JADE2: variants seen among roughly 807,000 people sequenced by gnomAD.
JADE2 encodes jade family PHD finger 2.
Under a neutral mutation model 85.7 loss-of-function variants are expected in JADE2, and 13 were observed. The observed-to-expected ratio is 0.15, with a 90% confidence interval of 0.10 to 0.24. JADE2 has a LOEUF of 0.24. Ranked by LOEUF, JADE2 falls within the 10% of genes least tolerant of loss-of-function variation. JADE2 has a pLI of 1.00. For missense variants in JADE2, 846 were observed against 1,115.9 expected (o/e 0.76, Z 3.45); for synonymous variants, 440 against 456.1 (o/e 0.96, Z 0.45).
chr5:134,554,475 C>T (rs1036568455), intron 4 of JADE2, among the ~76,000 whole-genome samples: 1 of 152,124 alleles, frequency 6.6e-6, no homozygotes, highest in African/African-American at 2.4e-5. Context: ...CATTTGGTTC[C>T]GGAAACATCT....
Position 134,573,748 on chromosome 5 carries a change from A to T in JADE2, c.1538A>T (p.Gln513Leu), listed in dbSNP as rs1454339221. 1 of 1,609,750 alleles carries T rather than the reference A, an allele frequency of 6.2e-7. No individual in the cohort carries two copies. The highest frequency in any genetic ancestry group is 8.5e-7 in the Non-Finnish European group (1 of 1,176,080). The change falls in exon 10 of 12, where the codon CAG (glutamine) becomes CTG (leucine). Residue 513 changes from glutamine to leucine, a missense_variant. Gln to Leu is a moderately radical substitution (Grantham distance 113, BLOSUM62 -2). This residue lies in a region of JADE2 where 119 missense variants were observed against 163.9 expected (regional missense o/e 0.73). Coordinates refer to ENST00000681547, the MANE Select transcript of JADE2 (RefSeq NM_001388185.1). ...IFHLQMKLIE[Q>L]DLCRERSGRR... ...CACCTGCAGATGAAACTTATTGAAC[A>T]GGATCTGTGTCGAGGTAGGCGCCTT... is the stretch of plus-strand genomic sequence containing the variant.
chr5:134,551,475 C>G (rs921164776), intron 3 of JADE2, among the ~76,000 whole-genome samples: 4 of 151,974 alleles, frequency 2.6e-5, no homozygotes, highest in African/African-American at 9.7e-5. Flanking sequence ...GCAGTCCTCC[C>G]TCCTCAGCCT....
chr5:134,554,186 C>T (rs1013839097), intron 4 of JADE2, among the ~76,000 whole-genome samples: 1 of 152,170 alleles, frequency 6.6e-6, no homozygotes, highest in African/African-American at 2.4e-5. Context: ...ACTCGAAGCC[C>T]CAATAGGGTG....
intron 11 of JADE2, chr5:134,577,173 G>A: frequency 2.8e-6 from 1 of 359,540 alleles, no homozygotes; most frequent in Non-Finnish European, 5.0e-6. Flanking sequence ...TCCCCTGGCT[G>A]GGGGGTCCTG....
At chr5:134,527,789 T>G (rs916817657) in intron 1 of JADE2, among the ~76,000 whole-genome samples, 8 of 152,130 alleles carry the variant, frequency 5.3e-5, no homozygotes, top group African/African-American at 1.9e-4. Flanking sequence ...GGGCACTTTT[T>G]TACCAGCTTG....
At chr5:134,555,992 C>A (rs939258634) in intron 4 of JADE2, among the ~76,000 whole-genome samples, 3 of 152,174 alleles carry the variant, frequency 2.0e-5, no homozygotes, top group Admixed American at 6.5e-5. Flanking sequence ...TTCTCTCTGC[C>A]GGGTTGGGCC....
intron 10 of JADE2, chr5:134,573,963 G>T (rs1314941233): frequency 1.5e-6 from 1 of 656,754 alleles, no homozygotes; most frequent in South Asian, 1.6e-5. Context: ...GCGTCACTAG[G>T]CAGAGAGCCA....
intron 1 of JADE2, chr5:134,526,876 T>C (rs559821480): frequency 1.2e-5 from 8 of 646,078 alleles, no homozygotes; most frequent in South Asian, 1.4e-4. Flanking sequence ...AGAGTGGAAA[T>C]GTACCGGCGG....
chr5:134,545,423 T>TTA (rs397947084), intron 3 of JADE2, among the ~76,000 whole-genome samples: 6 of 152,008 alleles, frequency 3.9e-5, no homozygotes, highest in Non-Finnish European at 7.4e-5. Flanking sequence ...TTTTTTTTTT[T>TTA]AAGTGTCTTA....
At chr5:134,574,155 G>T (rs1764221133) in intron 10 of JADE2, 2 of 312,390 alleles carry the variant, frequency 6.4e-6, no homozygotes, top group Non-Finnish European at 1.2e-5. Context: ...GTGTGCCTGG[G>T]AGTCAGTTCC....
rs540075016 is a variant in JADE2, at chr5:134,552,296, G to A, written c.311+87G>A. On this transcript the variant is annotated intron_variant, in intron 4 of 11. Coordinates refer to ENST00000681547, the MANE Select transcript of JADE2 (RefSeq NM_001388185.1). ...CCAGGTTAGGTGACCTGCCAGTCCT[G>A]GAATTCCTTTCTAGTCCATCTCTAT... 86 of 1,224,530 alleles carry A rather than the reference G, an allele frequency of 7.0e-5. No individual in the cohort carries two copies. The Admixed American group carries it at 2.2e-3, about 32-fold the overall frequency. The allele number at this position is 1,224,530 out of a possible 1,614,324, so 75.9% of individuals were successfully genotyped here.
intron 3 of JADE2, among the ~76,000 whole-genome samples, chr5:134,547,282 T>C (rs926917071): frequency 2.0e-5 from 3 of 152,216 alleles, no homozygotes; most frequent in African/African-American, 4.8e-5. Context: ...GCACTCAGAT[T>C]GGTGATTCAA....
chr5:134,524,055 A>G (rs538998396), upstream of JADE2, among the ~76,000 whole-genome samples: 1 of 152,284 alleles, frequency 6.6e-6, no homozygotes, highest in African/African-American at 2.4e-5. Context: ...CTGAAAAATT[A>G]TTGGATAATC....
chr5:134,551,983 C>G, intron 3 of JADE2, 69 bp from the exon 4 acceptor site: 2 of 1,491,072 alleles, frequency 1.3e-6, no homozygotes, highest in South Asian at 2.3e-5. Context: ...TCTGCCTCTT[C>G]CTCTGGCCTG....
rs1461255261 is a variant in JADE2 at position 134,579,662 on chromosome 5, A to AGAC, written c.*346_*348dup. 3.7e-6 allele frequency: 1 copy of AGAC among 271,432 alleles called. No individual in the cohort carries two copies. The highest frequency in any genetic ancestry group is 7.0e-6 in the Non-Finnish European group (1 of 142,296). 16.8% of individuals were successfully genotyped at this position (271,432 alleles called of 1,614,324 possible). A position where few individuals can be genotyped will look rare whatever the true frequency, so the allele number is the denominator to read the frequency against. ...CCAGCCCACTGCCACTGGGTGACAC[A>AGAC]GACTGTCGTTTGGGCATTATTTCAT... On this transcript the variant is annotated 3_prime_UTR_variant, in exon 12 of 12. Transcript: ENST00000681547. The surrounding 1 kb of genome is among the most constrained non-coding windows in gnomAD (Gnocchi z 4.6).
Position 134,579,262 on chromosome 5 carries a change from G to A in JADE2, c.2450G>A (p.Gly817Asp). The A allele has an allele frequency of 6.2e-7, 1 of 1,613,698 alleles. No individual in the cohort carries two copies. Among genetic ancestry groups the A allele is most frequent in the Non-Finnish European group, 8.5e-7 (1 of 1,179,960 alleles). ...VEAEDGGVQRGPREAGAEEVV... is the reference protein window; with the variant it reads ...VEAEDGGVQRDPREAGAEEVV... ...GCCGAGGACGGTGGGGTGCAGCGGG[G>A]TCCCCGGGAGGCAGGGGCAGAGGAG... is the stretch of plus-strand genomic sequence containing the variant. The change falls in exon 12 of 12, where the codon GGT (glycine) becomes GAT (aspartate). Residue 817 changes from glycine to aspartate, a missense_variant. This residue lies in a region of JADE2 where 300 missense variants were observed against 300.7 expected (regional missense o/e 1.00). Coordinates refer to ENST00000681547, the MANE Select transcript of JADE2 (RefSeq NM_001388185.1). The surrounding 1 kb of genome is among the most constrained non-coding windows in gnomAD (Gnocchi z 4.6).
Position 134,580,923 on chromosome 5 carries a change from C to T in JADE2, c.*1606C>T, listed in dbSNP as rs1764682109. The T allele has an allele frequency of 6.6e-6, 1 of 152,612 alleles. No homozygotes were observed. The highest frequency in any genetic ancestry group is 1.5e-5 in the Non-Finnish European group (1 of 68,046). 9.5% of individuals were successfully genotyped at this position (152,612 alleles called of 1,614,324 possible). A position where few individuals can be genotyped will look rare whatever the true frequency, so the allele number is the denominator to read the frequency against. On this transcript the variant is annotated 3_prime_UTR_variant, in exon 12 of 12. Coordinates refer to ENST00000681547, the MANE Select transcript of JADE2 (RefSeq NM_001388185.1). Reference sequence around the variant, plus strand: ...CTGTGAGCTTTCCTAAACTGTGAGACTCACAGAGGGGAAAGATACTGACGG... The same window carrying T: ...CTGTGAGCTTTCCTAAACTGTGAGATTCACAGAGGGGAAAGATACTGACGG...
chr5:134,526,472 C>T, intron 1 of JADE2: 1 of 985,268 alleles, frequency 1.0e-6, no homozygotes, highest in Non-Finnish European at 1.2e-6. Flanking sequence ...CTCCGAGAAC[C>T]TGGAGCTATC....
At chr5:134,570,770 G>A (rs1763946704) in intron 9 of JADE2, among the ~76,000 whole-genome samples, 1 of 152,074 alleles carries the variant, frequency 6.6e-6, no homozygotes, top group East Asian at 1.9e-4. Flanking sequence ...GGCCTCAATG[G>A]TCATCCATTG....
Sources: gnomAD v4.1 joint callset for allele counts (sites outside exome capture counted in the v4.1 genomes callset) on GRCh38, gnomAD v4.1.1 for gene constraint, gnomAD v4.1.1 regional missense constraint, Gnocchi (gnomAD v3.1) non-coding constraint, MANE v1.5 for transcripts, NCBI Gene and HGNC (gene_info 2026-07-23, HGNC 2026-07-21) for gene names.